Variants in SHC4 observed in about 807,000 individuals in gnomAD.
SHC4 encodes the protein SHC-transforming protein 4.
In SHC4, 41 loss-of-function variants were observed where a neutral mutation model predicts 69.4. That is an observed-to-expected ratio of 0.59 (90% CI 0.46 to 0.77). SHC4 has a LOEUF of 0.77. Ranked by LOEUF, SHC4 falls within the 30% of genes least tolerant of loss-of-function variation. The probability of loss-of-function intolerance (pLI) is 0.00; values close to 1 mark genes in which losing one functional copy is unlikely to be tolerated. For missense variants in SHC4, 777 were observed against 783.8 expected (o/e 0.99, Z 0.10); for synonymous variants, 318 against 299.3 (o/e 1.06, Z -0.64).
chr15:48,876,675 AT>A, intron 4 of SHC4: 1 of 630,568 alleles, frequency 1.6e-6, no homozygotes, highest in South Asian at 1.8e-5. Context: ...CAGGAGAAAG[AT>A]TTAGGCTGGG....
At chr15:48,849,635 AG>A (rs1899169049) in intron 9 of SHC4, among the ~76,000 whole-genome samples, 1 of 152,226 alleles carries the variant, frequency 6.6e-6, no homozygotes, top group Non-Finnish European at 1.5e-5. Context: ...AGTGAGCTTC[AG>A]TACAGGGGAG....
intron 9 of SHC4, among the ~76,000 whole-genome samples, chr15:48,847,325 C>T (rs1390811153): frequency 6.6e-6 from 1 of 152,092 alleles, no homozygotes; most frequent in Non-Finnish European, 1.5e-5. Context: ...AACTTAATGT[C>T]TTTTTGATTA....
intron 4 of SHC4, among the ~76,000 whole-genome samples, chr15:48,873,554 C>T (rs1337820152): frequency 6.6e-6 from 1 of 152,156 alleles, no homozygotes; most frequent in African/African-American, 2.4e-5. Flanking sequence ...ACCATCCTAG[C>T]TAACACAGTG....
chr15:48,924,739 A>G, intron 2 of SHC4, 140 bp downstream of exon 2: 3 of 781,066 alleles, frequency 3.8e-6, no homozygotes, highest in Non-Finnish European at 2.1e-6. Flanking sequence ...ATTGAAGGTC[A>G]CTGGGCGAGC....
chr15:48,920,524 C>T (rs2141022194), intron 2 of SHC4, among the ~76,000 whole-genome samples: 1 of 152,230 alleles, frequency 6.6e-6, no homozygotes, highest in East Asian at 1.9e-4. Flanking sequence ...TTCTGCCTGC[C>T]TCAGCCTCCC....
chr15:48,962,883 T>C lies in SHC4; in HGVS notation c.133A>G (p.Ser45Gly). ...TTGTTCCCGACCGAGCCTCCGGAGC[T>C]ACCTTCGTCCAAGGACGTGATCGAC... ...NESITSLDEG[S>G]SGGSVGNKGS... is the part of the protein sequence containing the mutation. Residue 45 changes from serine to glycine, a missense_variant, in exon 1 of 12, where the codon AGC (serine) becomes GGC (glycine). Physicochemically the swap from Ser to Gly is moderately conservative, Grantham distance 56 (BLOSUM62 0). Coordinates refer to ENST00000332408, the MANE Select transcript of SHC4 (RefSeq NM_203349.4). 6.2e-7 allele frequency: 1 copy of C among 1,613,382 alleles called. No individual in the cohort carries two copies. The highest frequency in any genetic ancestry group is 8.5e-7 in the Non-Finnish European group (1 of 1,180,008).
rs71120648 is a variant in SHC4, at chr15:48,916,273, TCACACACACACA to T, written c.656+8594_656+8605del. Among the ~76,000 whole-genome samples the T allele has an allele frequency of 4.4e-3, 634 of 142,530 alleles. 7 individuals are homozygous for T. Among genetic ancestry groups the T allele is most frequent in the South Asian group, 0.043 (184 of 4,288 alleles). The allele number at this position is 142,530 out of a possible 152,430, so 93.5% of individuals were successfully genotyped here. On this transcript the variant is annotated intron_variant, in intron 2 of 11. Transcript: ENST00000332408. ...AATCTGCTTTGCAGCTGATGGTTGCTCACACACACACACACACACACACACACACACACACAC... is the reference window on the plus strand; with the variant it reads ...AATCTGCTTTGCAGCTGATGGTTGCTCACACACACACACACACACACACAC...
intron 4 of SHC4, chr15:48,878,039 G>C: frequency 9.0e-7 from 1 of 1,113,794 alleles, no homozygotes; most frequent in Non-Finnish European, 1.3e-6. Context: ...GGCGCGCCAA[G>C]TAGGAGGCGG....
chr15:48,897,471 A>G (rs1255513157), intron 2 of SHC4, among the ~76,000 whole-genome samples: 1 of 151,330 alleles, frequency 6.6e-6, no homozygotes, highest in African/African-American at 2.4e-5. Context: ...TGTGTTTTTA[A>G]CCCTTAAACA....
intron 1 of SHC4, among the ~76,000 whole-genome samples, chr15:48,960,847 C>T (rs143967787): frequency 6.6e-6 from 1 of 152,274 alleles, no homozygotes; most frequent in East Asian, 1.9e-4. Flanking sequence ...ATTGGCATCA[C>T]TGATGTCATT....
At position 48,836,103 on chromosome 15, in the gene SHC4, G is replaced by T. The variant is rs556442771; in HGVS notation, c.1484-1081C>A. 4.0e-5 allele frequency among the ~76,000 whole-genome samples: 6 copies of T among 150,124 alleles called. 1 individual carries two copies. The South Asian group carries it at 1.3e-3, about 32-fold the overall frequency. On this transcript the variant is annotated intron_variant, in intron 10 of 11. Transcript: ENST00000332408. ...AGCTACTTGGGGGGCTGAGACAAGAGAATCGCTTAAACCGGGGAGGCAGAG... is the reference window on the plus strand; with the variant it reads ...AGCTACTTGGGGGGCTGAGACAAGATAATCGCTTAAACCGGGGAGGCAGAG...
At chr15:48,961,985 A>G (rs980417168) in intron 1 of SHC4, among the ~76,000 whole-genome samples, 1 of 152,254 alleles carries the variant, frequency 6.6e-6, no homozygotes, top group Non-Finnish European at 1.5e-5. Context: ...CAAGCCCCTT[A>G]CACACCATGT....
chr15:48,906,825 A>G (rs1900413669), intron 2 of SHC4, among the ~76,000 whole-genome samples: 1 of 152,200 alleles, frequency 6.6e-6, no homozygotes, highest in Non-Finnish European at 1.5e-5. Flanking sequence ...CTTAAAACCC[A>G]GAAGTAAATA....
intron 2 of SHC4, among the ~76,000 whole-genome samples, chr15:48,896,248 TTCTC>T (rs1299570972): frequency 4.1e-5 from 4 of 97,544 alleles, no homozygotes; most frequent in East Asian, 7.1e-4. Flanking sequence ...CCCTCTCTCT[TTCTC>T]TCTCTCTCCC....
At chr15:48,895,914 T>C (rs2141008837) in intron 2 of SHC4, among the ~76,000 whole-genome samples, 1 of 152,110 alleles carries the variant, frequency 6.6e-6, no homozygotes, top group East Asian at 1.9e-4. Flanking sequence ...AGTCCTTGTG[T>C]CCACAAAAAT....
chr15:48,872,370 G>C lies in SHC4; in HGVS notation c.841-228C>G, dbSNP rs544438005. 3.9e-5 allele frequency among the ~76,000 whole-genome samples: 6 copies of C among 152,194 alleles called. 1 individual carries two copies. The South Asian group carries it at 1.2e-3, about 32-fold the overall frequency. On this transcript the variant is annotated intron_variant, in intron 4 of 11. Transcript: ENST00000332408. Reference sequence around the variant, plus strand: ...GCCCACCCAGGTGGAACATTATCTAGGGCTAGCCAATCAGAAAATACCATC... The same window carrying C: ...GCCCACCCAGGTGGAACATTATCTACGGCTAGCCAATCAGAAAATACCATC...
intron 3 of SHC4, among the ~76,000 whole-genome samples, chr15:48,885,158 G>C (rs749421074): frequency 1.3e-5 from 2 of 152,062 alleles, no homozygotes; most frequent in African/African-American, 4.8e-5. Flanking sequence ...GAGAGCAGGG[G>C]GTACCCAGGA....
chr15:48,861,224 A>C (rs2140986453), intron 6 of SHC4, among the ~76,000 whole-genome samples: 1 of 152,282 alleles, frequency 6.6e-6, no homozygotes, highest in Non-Finnish European at 1.5e-5. Flanking sequence ...TCAGCCTCCC[A>C]AGTAGCTGGG....
At chr15:48,867,015 C>T (rs1479699766) in intron 6 of SHC4, among the ~76,000 whole-genome samples, 2 of 152,164 alleles carry the variant, frequency 1.3e-5, no homozygotes, top group Non-Finnish European at 2.9e-5. Flanking sequence ...TTTTGAGTAT[C>T]GCCTATATGC....
Sources: allele counts gnomAD v4.1 joint callset (sites outside exome capture counted in the v4.1 genomes callset), GRCh38; gene constraint gnomAD v4.1.1; transcripts MANE v1.5; gene names NCBI Gene and HGNC (gene_info 2026-07-23, HGNC 2026-07-21).